ARHGAP5: variants seen among roughly 807,000 people sequenced by gnomAD.
ARHGAP5 encodes the protein Rho GTPase activating protein 5.
In ARHGAP5, 23 loss-of-function variants were observed where a neutral mutation model predicts 116.6. That is an observed-to-expected ratio of 0.20 (90% CI 0.14 to 0.28). The LOEUF is 0.28. ARHGAP5 is among the 10% of genes least tolerant of loss of function. The pLI is 1.00. For missense variants in ARHGAP5, 1,405 were observed against 1,774.8 expected (o/e 0.79, Z 3.74); for synonymous variants, 574 against 602.0 (o/e 0.95, Z 0.68).
chr14:32,110,830 T>C (rs1437705475), intron 2 of ARHGAP5, among the ~76,000 whole-genome samples: 3 of 152,128 alleles, frequency 2.0e-5, no homozygotes, highest in Non-Finnish European at 4.4e-5. Flanking sequence ...GCTTAACAGT[T>C]GGAAGTAGGG....
Position 32,091,667 on chromosome 14 carries a change from A to G in ARHGAP5, c.998A>G (p.Lys333Arg). ...CAACTTAAACAGGAACATATAAGAA[A>G]AAGGAGAGAAGAGTATATAAATACT... ...IEQLKQEHIRKRREEYINTLP... is the reference protein window; with the variant it reads ...IEQLKQEHIRRRREEYINTLP... The change falls in exon 2 of 7, where the codon AAA (lysine) becomes AGA (arginine). Residue 333 changes from lysine (K) to arginine (R), a missense_variant. Lys to Arg is a conservative substitution (Grantham distance 26, BLOSUM62 2). This residue lies in a region of ARHGAP5 where 944 missense variants were observed against 1,095.3 expected (regional missense o/e 0.86). Coordinates refer to ENST00000345122, the MANE Select transcript of ARHGAP5 (RefSeq NM_001030055.2). 6.2e-7 allele frequency: 1 copy of G among 1,609,860 alleles called. No individual in the cohort carries two copies. Among genetic ancestry groups the G allele is most frequent in the South Asian group, 1.1e-5 (1 of 89,892 alleles).
intron 5 of ARHGAP5, among the ~76,000 whole-genome samples, chr14:32,152,190 C>G (rs1402735988): frequency 6.6e-6 from 1 of 152,206 alleles, no homozygotes; most frequent in Non-Finnish European, 1.5e-5. Flanking sequence ...CTTGAATCAT[C>G]CTGAAACCAT....
In ARHGAP5 at chr14:32,103,658, C is replaced by G. The variant is rs566682887; in HGVS notation, c.3717+9272C>G. 3.3e-4 allele frequency among the ~76,000 whole-genome samples: 50 copies of G among 152,120 alleles called. No individual in the cohort carries two copies. The East Asian group carries it at 8.1e-3, about 25-fold the overall frequency. On this transcript the variant is annotated intron_variant, in intron 2 of 6. Coordinates refer to ENST00000345122, the MANE Select transcript of ARHGAP5 (RefSeq NM_001030055.2). ...TATAGGTTTGCCAATTTATGTACACCAAAATTTTGTATACTACAAATTGTG... is the reference window on the plus strand; with the variant it reads ...TATAGGTTTGCCAATTTATGTACACGAAAATTTTGTATACTACAAATTGTG...
intron 1 of ARHGAP5, among the ~76,000 whole-genome samples, chr14:32,083,142 C>T (rs1389752505): frequency 6.6e-6 from 1 of 152,246 alleles, no homozygotes; most frequent in Non-Finnish European, 1.5e-5. Flanking sequence ...CACTCAAATC[C>T]TTCCTCTTCA....
intron 1 of ARHGAP5, among the ~76,000 whole-genome samples, chr14:32,089,690 G>A (rs1303286783): frequency 6.6e-6 from 1 of 151,852 alleles, no homozygotes; most frequent in African/African-American, 2.4e-5. Flanking sequence ...ACTATTATGA[G>A]AGGAAGTATA....
intron 3 of ARHGAP5, among the ~76,000 whole-genome samples, chr14:32,145,257 C>A (rs1283757919): frequency 6.6e-6 from 1 of 152,170 alleles, no homozygotes; most frequent in Non-Finnish European, 1.5e-5. Flanking sequence ...TCTGCTGACA[C>A]TCCAGAAAGG....
intron 3 of ARHGAP5, among the ~76,000 whole-genome samples, chr14:32,127,849 C>T (rs1323503034): frequency 1.4e-4 from 21 of 150,730 alleles, no homozygotes; most frequent in African/African-American, 3.7e-4. Flanking sequence ...ACTTCCCAGA[C>T]GGGGCAGCTG....
At chr14:32,077,868 CG>C (rs1378878265) in intron 1 of ARHGAP5, among the ~76,000 whole-genome samples, 1 of 152,066 alleles carries the variant, frequency 6.6e-6, no homozygotes, top group African/African-American at 2.4e-5. Context: ...AAAGGGTACA[CG>C]GGGCGGGTGC....
Position 32,077,374 on chromosome 14 carries a change from G to A in ARHGAP5, c.-230G>A, listed in dbSNP as rs747442547. The A allele has an allele frequency of 3.0e-6, 2 of 677,460 alleles. No homozygotes were observed. Among genetic ancestry groups the A allele is most frequent in the Non-Finnish European group, 5.4e-6 (2 of 371,236 alleles). The allele number at this position is 677,460 out of a possible 1,614,324, so 42.0% of individuals were successfully genotyped here. The stretch of plus-strand genomic sequence containing the variant: ...GGGAGCGGTCCCCAGGAATGTCGCT[G>A]CCGCCGCCACCGCCGGGGCCGCTGC... On this transcript the variant is annotated 5_prime_UTR_variant, in exon 1 of 7. Transcript: ENST00000345122.
rs573969737 is a variant in ARHGAP5 at position 32,140,566 on chromosome 14, G to T, written c.3866-5697G>T. On this transcript the variant is annotated intron_variant, in intron 3 of 6. Coordinates refer to ENST00000345122, the MANE Select transcript of ARHGAP5 (RefSeq NM_001030055.2). The stretch of plus-strand genomic sequence containing the variant: ...GATCATACCACTGCACTCCAGCCTG[G>T]GCGACAGAGTGAGACTCTGTCTCAA... Among the ~76,000 whole-genome samples the T allele has an allele frequency of 3.3e-5, 5 of 152,170 alleles. 1 individual carries two copies. Among genetic ancestry groups the T allele is most frequent in the African/African-American group, 1.2e-4 (5 of 41,528 alleles).
chr14:32,139,429 A>G (rs1032029843), intron 3 of ARHGAP5, among the ~76,000 whole-genome samples: 1 of 152,000 alleles, frequency 6.6e-6, no homozygotes, highest in Admixed American at 6.6e-5. Flanking sequence ...TTCTTGAATC[A>G]GTTTTGGTAG....
intron 6 of ARHGAP5, chr14:32,154,234 C>G (rs1428048235): frequency 5.6e-6 from 1 of 179,072 alleles, no homozygotes; most frequent in Non-Finnish European, 1.2e-5. Context: ...CACCACAACC[C>G]CCACCTCCCA....
chr14:32,120,085 ATTTG>A (rs1182033280), intron 3 of ARHGAP5, among the ~76,000 whole-genome samples: 2 of 152,068 alleles, frequency 1.3e-5, no homozygotes, highest in African/African-American at 4.8e-5. Flanking sequence ...TCGACCTGGA[ATTTG>A]TTTGTGAGGA....
Position 32,091,395 on chromosome 14 carries a change from G to C in ARHGAP5, c.726G>C (p.Leu242=). The C allele has an allele frequency of 6.2e-7, 1 of 1,611,176 alleles. No individual in the cohort carries two copies. The highest frequency in any genetic ancestry group is 8.5e-7 in the Non-Finnish European group (1 of 1,178,666). Residue 242 remains leucine (L), a synonymous_variant, in exon 2 of 7, where the codon CTG becomes CTC. Coordinates refer to ENST00000345122, the MANE Select transcript of ARHGAP5 (RefSeq NM_001030055.2). ...NVNIETCFTA[L]VQMLDKTRSK... ...ACATTGAAACATGTTTTACTGCACT[G>C]GTACAAATGTTGGATAAAACTCGTA...
rs751297931 is a variant in ARHGAP5 at position 32,154,885 on chromosome 14, G to A, written c.4446G>A (p.Pro1482=). The A allele has an allele frequency of 5.6e-5, 90 of 1,613,792 alleles. No homozygotes were observed. Among genetic ancestry groups the A allele is most frequent in the South Asian group, 3.8e-4 (35 of 91,070 alleles). Residue 1482 remains proline, a synonymous_variant, in exon 7 of 7, where the codon CCG becomes CCA. Coordinates refer to ENST00000345122, the MANE Select transcript of ARHGAP5 (RefSeq NM_001030055.2). ...LVEPMVPLQL[P]PPLQPQLIQP... ...AACCAATGGTGCCACTTCAGTTGCC[G>A]CCACCATTGCAACCTCAGCTGATAC...
chr14:32,158,795 ATCT>A lies in ARHGAP5; in HGVS notation c.*3849_*3851del, dbSNP rs956595372. The A allele has an allele frequency of 1.1e-4, 16 of 152,048 alleles. No individual in the cohort carries two copies. Among genetic ancestry groups the A allele is most frequent in the African/African-American group, 3.9e-4 (16 of 41,446 alleles). 9.4% of individuals were successfully genotyped at this position (152,048 alleles called of 1,614,324 possible). A position where few individuals can be genotyped will look rare whatever the true frequency, so the allele number is the denominator to read the frequency against. On this transcript the variant is annotated 3_prime_UTR_variant, in exon 7 of 7. Coordinates refer to ENST00000345122, the MANE Select transcript of ARHGAP5 (RefSeq NM_001030055.2). ...ATTCAAATCATTTTCTTAGGATAGCATCTTTACATACAATGAGAGGATTGTACA... is the reference window on the plus strand; with the variant it reads ...ATTCAAATCATTTTCTTAGGATAGCATTACATACAATGAGAGGATTGTACA...
intron 3 of ARHGAP5, among the ~76,000 whole-genome samples, chr14:32,136,600 T>G (rs1880815279): frequency 6.6e-6 from 1 of 152,226 alleles, no homozygotes; most frequent in African/African-American, 2.4e-5. Context: ...AGTACCTGTT[T>G]TGAATTCTTG....
chr14:32,140,336 C>G (rs1881059040), intron 3 of ARHGAP5, among the ~76,000 whole-genome samples: 2 of 151,732 alleles, frequency 1.3e-5, no homozygotes, highest in Admixed American at 6.6e-5. Flanking sequence ...GATCCCAGCA[C>G]TTTGGGAGGC....
Position 32,091,196 on chromosome 14 carries a change from A to T in ARHGAP5, c.527A>T (p.Gln176Leu), listed in dbSNP as rs1257712430. Reference protein sequence around the residue: ...SQGCNRKFDDQLKFVNNLFVQ... With the variant: ...SQGCNRKFDDLLKFVNNLFVQ... ...GGATGCAATAGGAAGTTTGATGATCAACTTAAATTTGTGAATAACCTTTTT... is the reference window on the plus strand; with the variant it reads ...GGATGCAATAGGAAGTTTGATGATCTACTTAAATTTGTGAATAACCTTTTT... The change falls in exon 2 of 7, where the codon CAA (glutamine) becomes CTA (leucine). Residue 176 changes from glutamine (Q) to leucine (L), a missense_variant. Transcript: ENST00000345122. 1.2e-6 allele frequency: 2 copies of T among 1,613,278 alleles called. No homozygotes were observed. The highest frequency in any genetic ancestry group is 1.3e-5 in the African/African-American group (1 of 74,888).
Sources: gnomAD v4.1 joint callset for allele counts (sites outside exome capture counted in the v4.1 genomes callset) on GRCh38, gnomAD v4.1.1 for gene constraint, gnomAD v4.1.1 regional missense constraint, MANE v1.5 for transcripts, NCBI Gene and HGNC (gene_info 2026-07-23, HGNC 2026-07-21) for gene names.